Variants in UTRN observed in about 807,000 individuals in gnomAD.
The protein encoded by UTRN is dystrophin-related protein 1.
A neutral mutation model predicts 463.9 loss-of-function variants in UTRN; 283 were observed. The observed-to-expected ratio is 0.61, with a 90% CI of 0.55 to 0.67. The LOEUF (loss-of-function observed/expected upper bound fraction) is 0.67. Among genes scored for constraint, UTRN ranks in the 30% least tolerant of loss-of-function variants. UTRN has a pLI of 0.00. For missense variants in UTRN, 3,922 were observed against 4,084.3 expected, an observed-to-expected ratio of 0.96 and a Z score of 1.08; for synonymous variants, 1,442 against 1,431.5, an observed-to-expected ratio of 1.01 and a Z score of -0.17.
intron 2 of UTRN, among the ~76,000 whole-genome samples, chr6:144,299,555 A>G (rs1286136684): frequency 1.3e-5 from 2 of 151,846 alleles, no homozygotes; most frequent in African/African-American, 4.8e-5. Context: ...GGCCCATTGA[A>G]CCAGAAGATG....
chr6:144,484,781 T>G (rs1330555228), intron 27 of UTRN, among the ~76,000 whole-genome samples: 2 of 152,124 alleles, frequency 1.3e-5, no homozygotes, highest in Non-Finnish European at 2.9e-5. Context: ...CTCCTGTTTT[T>G]CTTACTAATT....
At chr6:144,714,302 G>A (rs920982318) in intron 53 of UTRN, among the ~76,000 whole-genome samples, 1 of 152,180 alleles carries the variant, frequency 6.6e-6, no homozygotes, top group Non-Finnish European at 1.5e-5. Flanking sequence ...AGCAAGTTGG[G>A]AAAAGAGTAA....
chr6:144,760,232 G>A (rs1792502330), intron 58 of UTRN, among the ~76,000 whole-genome samples: 1 of 152,066 alleles, frequency 6.6e-6, no homozygotes, highest in Non-Finnish European at 1.5e-5. Context: ...TTCTTGTGGG[G>A]CAGAGTTCTT....
intron 65 of UTRN, among the ~76,000 whole-genome samples, chr6:144,812,275 G>A (rs375309908): frequency 6.6e-6 from 1 of 152,066 alleles, no homozygotes; most frequent in South Asian, 2.1e-4. Flanking sequence ...TGCTTTGCCG[G>A]TCTTTGGGGA....
At chr6:144,514,167 G>A in intron 36 of UTRN, 130 bp downstream of exon 36, 1 of 1,297,854 alleles carries the variant, frequency 7.7e-7, no homozygotes, top group Non-Finnish European at 1.1e-6. Flanking sequence ...CATTTATTTT[G>A]ATGGGAGAAA....
chr6:144,611,498 T>G (rs1368912554), intron 51 of UTRN, among the ~76,000 whole-genome samples: 1 of 152,192 alleles, frequency 6.6e-6, no homozygotes, highest in Non-Finnish European at 1.5e-5. Context: ...CTTCTAGGAC[T>G]GATTAATAAA....
At chr6:144,678,926 A>T (rs1781930580) in intron 52 of UTRN, among the ~76,000 whole-genome samples, 9 of 152,150 alleles carry the variant, frequency 5.9e-5, no homozygotes. Flanking sequence ...GTAATCAAAA[A>T]ATCCTAGTAA....
At chr6:144,765,042 G>A (rs1793135384) in intron 58 of UTRN, among the ~76,000 whole-genome samples, 2 of 143,314 alleles carry the variant, frequency 1.4e-5, no homozygotes, top group South Asian at 5.1e-4. Flanking sequence ...GGAGATGAGG[G>A]TAGGGTTGGG....
At chr6:144,846,382 G>A (rs1388440832) in intron 73 of UTRN, among the ~76,000 whole-genome samples, 1 of 152,170 alleles carries the variant, frequency 6.6e-6, no homozygotes, top group Non-Finnish European at 1.5e-5. Flanking sequence ...GTGTGTCAAG[G>A]GTGGGTCAAG....
chr6:144,732,283 CATAT>C (rs1256852716), intron 54 of UTRN, among the ~76,000 whole-genome samples: 2 of 123,818 alleles, frequency 1.6e-5, no homozygotes, highest in African/African-American at 3.4e-5. Context: ...TATATACACA[CATAT>C]ATATATATAC....
At chr6:144,396,658 G>T (rs1315198105) in intron 2 of UTRN, among the ~76,000 whole-genome samples, 1 of 152,168 alleles carries the variant, frequency 6.6e-6, no homozygotes, top group African/African-American at 2.4e-5. Context: ...GAGTTCTATG[G>T]TAGGTGTGTG....
intron 51 of UTRN, among the ~76,000 whole-genome samples, chr6:144,631,487 A>G (rs1776516049): frequency 6.6e-6 from 1 of 152,194 alleles, no homozygotes. Context: ...TTAAATTCCA[A>G]AAATGACTAA....
intron 4 of UTRN, 72 bp downstream of exon 4, chr6:144,422,042 C>A: frequency 7.9e-7 from 1 of 1,263,380 alleles, no homozygotes; most frequent in South Asian, 1.4e-5. Context: ...GTGTGGGTAC[C>A]CATTAAAGTG....
intron 1 of UTRN, among the ~76,000 whole-genome samples, chr6:144,290,590 C>A (rs539665899): frequency 2.2e-4 from 33 of 152,128 alleles, no homozygotes; most frequent in Non-Finnish European, 4.6e-4. Context: ...CAACATATTA[C>A]TATGAAAAAA....
At chr6:144,290,618 G>T (rs753398530) in intron 1 of UTRN, among the ~76,000 whole-genome samples, 2 of 152,168 alleles carry the variant, frequency 1.3e-5, no homozygotes, top group Non-Finnish European at 2.9e-5. Context: ...ACATACAGAA[G>T]AGTTGCAAGA....
intron 40 of UTRN, 115 bp from the exon 41 acceptor site, chr6:144,522,901 T>A (rs1225274211): frequency 1.1e-6 from 1 of 883,692 alleles, no homozygotes; most frequent in Non-Finnish European, 1.7e-6. Context: ...TTAACAATGA[T>A]TATGTCTCAT....
At chr6:144,477,401 A>G (rs976337811) in intron 25 of UTRN, among the ~76,000 whole-genome samples, 8 of 152,146 alleles carry the variant, frequency 5.3e-5, no homozygotes, top group Admixed American at 1.3e-4. Context: ...GTTTTACCCA[A>G]CTTATTTTGA....
At chr6:144,566,951 A>G (rs1800459747) in intron 50 of UTRN, among the ~76,000 whole-genome samples, 1 of 152,120 alleles carries the variant, frequency 6.6e-6, no homozygotes, top group Non-Finnish European at 1.5e-5. Context: ...GTTCCAGACT[A>G]GCCTGGGAAA....
At chr6:144,663,220 C>T (rs1780046785) in intron 51 of UTRN, among the ~76,000 whole-genome samples, 1 of 152,004 alleles carries the variant, frequency 6.6e-6, no homozygotes, top group Non-Finnish European at 1.5e-5. Context: ...GGAGGATGAC[C>T]CCATACCAAG....
Sources: allele counts gnomAD v4.1 joint callset (sites outside exome capture counted in the v4.1 genomes callset), GRCh38; gene constraint gnomAD v4.1.1; transcripts MANE v1.5; gene names NCBI Gene and HGNC (gene_info 2026-07-23, HGNC 2026-07-21).